Variants in HTR2A observed in about 807,000 individuals in gnomAD.
HTR2A encodes 5-hydroxytryptamine receptor 2A, also known as 5-HT2 receptor.
In HTR2A, 14 loss-of-function variants were observed where a neutral mutation model predicts 31.0. The observed-to-expected ratio is 0.45, with a 90% confidence interval of 0.30 to 0.71. The LOEUF is 0.71. HTR2A is among the 30% of genes least tolerant of loss of function. The pLI is 0.09. For missense variants in HTR2A, 442 were observed against 573.3 expected, an observed-to-expected ratio of 0.77 and a Z score of 2.34; for synonymous variants, 209 against 225.2, an observed-to-expected ratio of 0.93 and a Z score of 0.64.
intron 3 of HTR2A, among the ~76,000 whole-genome samples, chr13:46,888,555 G>A (rs1012358243): frequency 1.3e-5 from 2 of 151,748 alleles, no homozygotes; most frequent in African/African-American, 4.8e-5. Context: ...AGATGCTTAG[G>A]ATAAGAAAAA....
At chr13:46,847,698 C>T (rs1015613380) in intron 3 of HTR2A, among the ~76,000 whole-genome samples, 6 of 152,138 alleles carry the variant, frequency 3.9e-5, no homozygotes, top group African/African-American at 2.4e-5. Flanking sequence ...TCACTGTTCT[C>T]GTCCTGATCA....
intron 2 of HTR2A, among the ~76,000 whole-genome samples, chr13:46,894,138 A>G (rs528705796): frequency 6.6e-6 from 1 of 152,310 alleles, no homozygotes; most frequent in African/African-American, 2.4e-5. Flanking sequence ...TTGTGGGAGA[A>G]GCCCCATGCC....
Position 46,835,351 on chromosome 13 carries a change from C to G in HTR2A, c.902G>C (p.Arg301Thr). 6.2e-7 allele frequency: 1 copy of G among 1,614,084 alleles called. No homozygotes were observed. ...CCTGCCTGTGTAGGACCCTGGCTCCCTATGGATCGACCGCTGGAAGAGCTT... is the reference window on the plus strand; with the variant it reads ...CCTGCCTGTGTAGGACCCTGGCTCCGTATGGATCGACCGCTGGAAGAGCTT... ...SEKLFQRSIH[R>T]EPGSYTGRRT... The change falls in exon 4 of 4, where the codon AGG becomes ACG. Residue 301 changes from arginine to threonine, a missense_variant. By Grantham distance (71) the Arg-to-Thr change is moderately conservative (BLOSUM62 -1). Coordinates refer to ENST00000542664, the MANE Select transcript of HTR2A (RefSeq NM_000621.5).
At chr13:46,868,344 T>A (rs1483545090) in intron 3 of HTR2A, among the ~76,000 whole-genome samples, 1 of 152,190 alleles carries the variant, frequency 6.6e-6, no homozygotes, top group Non-Finnish European at 1.5e-5. Context: ...GACAGCTTGG[T>A]ATTGAGATTT....
chr13:46,848,296 A>G (rs932293876), intron 3 of HTR2A, among the ~76,000 whole-genome samples: 5 of 152,224 alleles, frequency 3.3e-5, no homozygotes, highest in Non-Finnish European at 7.3e-5. Flanking sequence ...TAGTTTGCAG[A>G]AAGATGCACT....
At chr13:46,873,498 C>T (rs1370738914) in intron 3 of HTR2A, among the ~76,000 whole-genome samples, 1 of 149,396 alleles carries the variant, frequency 6.7e-6, no homozygotes, top group Non-Finnish European at 1.5e-5. Context: ...GCACAATGTG[C>T]CGGTTAGTTA....
upstream of HTR2A, chr13:46,897,170 A>G (rs1951111956): frequency 9.1e-6 from 2 of 219,562 alleles, no homozygotes; most frequent in Non-Finnish European, 1.8e-5. Flanking sequence ...TTTGCTACAT[A>G]TTAATATTGG....
In HTR2A at chr13:46,834,840, C is replaced by A; in HGVS notation, c.1413G>T (p.Val471=). Residue 471 remains valine, a synonymous_variant, in exon 4 of 4, where the codon GTG becomes GTT. Coordinates refer to ENST00000542664, the MANE Select transcript of HTR2A (RefSeq NM_000621.5). Reference sequence around the variant, plus strand: ...AGTTGCCACGGCAACTAGCCTATCACACACAGCTCACCTTTTCATTCACTC... The same window carrying A: ...AGTTGCCACGGCAACTAGCCTATCAAACACAGCTCACCTTTTCATTCACTC... The part of the protein sequence containing the change: ...SDGVNEKVSC[V] 1 of 1,608,912 alleles carries A rather than the reference C, an allele frequency of 6.2e-7. No homozygotes were observed. Among genetic ancestry groups the A allele is most frequent in the Non-Finnish European group, 8.5e-7 (1 of 1,176,854 alleles).
intron 3 of HTR2A, among the ~76,000 whole-genome samples, chr13:46,850,673 C>A (rs1950677488): frequency 6.6e-6 from 1 of 152,128 alleles, no homozygotes. Context: ...CCTATGAAAT[C>A]TTTCTGTGGG....
intron 3 of HTR2A, among the ~76,000 whole-genome samples, chr13:46,857,198 G>A (rs561882454): frequency 1.4e-4 from 22 of 151,754 alleles, no homozygotes; most frequent in Non-Finnish European, 2.2e-4. Context: ...TACTCAGGAG[G>A]CTAGGCAGAA....
At chr13:46,879,299 T>C (rs1046154771) in intron 3 of HTR2A, among the ~76,000 whole-genome samples, 4 of 152,204 alleles carry the variant, frequency 2.6e-5, no homozygotes, top group African/African-American at 7.2e-5. Context: ...GTTTCTTTCA[T>C]GTTGAGAATG....
At chr13:46,843,967 C>T (rs959152461) in intron 3 of HTR2A, among the ~76,000 whole-genome samples, 4 of 152,020 alleles carry the variant, frequency 2.6e-5, no homozygotes, top group South Asian at 2.1e-4. Flanking sequence ...TTTTTCAAAA[C>T]GTATCTCAAG....
chr13:46,875,641 G>T (rs1448974220), intron 3 of HTR2A, among the ~76,000 whole-genome samples: 1 of 152,112 alleles, frequency 6.6e-6, no homozygotes, highest in Non-Finnish European at 1.5e-5. Context: ...GGAAAGGTCA[G>T]AAAAATGCTG....
chr13:46,838,644 G>A (rs553353952), intron 3 of HTR2A, among the ~76,000 whole-genome samples: 1 of 152,202 alleles, frequency 6.6e-6, no homozygotes, highest in Admixed American at 6.5e-5. Flanking sequence ...TTCTGCCAGG[G>A]TGACGCCGGG....
intron 3 of HTR2A, among the ~76,000 whole-genome samples, chr13:46,873,104 G>A (rs755210536): frequency 1.3e-4 from 20 of 151,864 alleles, no homozygotes; most frequent in Non-Finnish European, 2.8e-4. Context: ...ATTCAAAGGT[G>A]AAATGATCTT....
In HTR2A at chr13:46,834,501, C is replaced by A; in HGVS notation, c.*336G>T. On this transcript the variant is annotated 3_prime_UTR_variant, in exon 4 of 4. Coordinates refer to ENST00000542664, the MANE Select transcript of HTR2A (RefSeq NM_000621.5). ...CCCATGTCATCAATGAACAGCATAGCAGCAAGGTTTCCACTTGAAAATAGA... is the reference window on the plus strand; with the variant it reads ...CCCATGTCATCAATGAACAGCATAGAAGCAAGGTTTCCACTTGAAAATAGA... The A allele has an allele frequency of 4.3e-6, 1 of 231,072 alleles. No individual in the cohort carries two copies. Among genetic ancestry groups the A allele is most frequent in the Admixed American group, 5.0e-5 (1 of 19,942 alleles). The allele number at this position is 231,072 out of a possible 1,614,324, so 14.3% of individuals were successfully genotyped here.
At chr13:46,841,284 TCCACCACCC>T (rs1191778708) in intron 3 of HTR2A, among the ~76,000 whole-genome samples, 1 of 152,164 alleles carries the variant, frequency 6.6e-6, no homozygotes, top group African/African-American at 2.4e-5. Flanking sequence ...TCTCTCTCTC[TCCACCACCC>T]CCACCAGTGA....
At chr13:46,882,959 G>C (rs1472714676) in intron 3 of HTR2A, among the ~76,000 whole-genome samples, 1 of 152,202 alleles carries the variant, frequency 6.6e-6, no homozygotes, top group Non-Finnish European at 1.5e-5. Context: ...GAGACACAGA[G>C]AGGTGAAGTA....
chr13:46,850,458 G>A (rs968022457), intron 3 of HTR2A, among the ~76,000 whole-genome samples: 1 of 152,214 alleles, frequency 6.6e-6, no homozygotes, highest in African/African-American at 2.4e-5. Flanking sequence ...AGTAAGTGCT[G>A]AAACTAGAAT....
Sources: allele counts gnomAD v4.1 joint callset (sites outside exome capture counted in the v4.1 genomes callset), GRCh38; gene constraint gnomAD v4.1.1; transcripts MANE v1.5; gene names NCBI Gene and HGNC (gene_info 2026-07-23, HGNC 2026-07-21).